Variants in TMEM245 observed in about 807,000 individuals in gnomAD.
TMEM245 encodes protein CG-2.
TMEM245 carries 69 observed loss-of-function variants against 101.2 expected under a neutral mutation model. That is an observed-to-expected ratio of 0.68 (90% confidence interval 0.56 to 0.83). The LOEUF (loss-of-function observed/expected upper bound fraction) is 0.83. Ranked by LOEUF, TMEM245 falls within the 40% of genes least tolerant of loss-of-function variation. The pLI, the probability that TMEM245 is intolerant of heterozygous loss-of-function variation, is 0.00. For missense variants in TMEM245, 1,075 were observed against 1,092.8 expected (o/e 0.98, Z 0.23); for synonymous variants, 537 against 449.8 (o/e 1.19, Z -2.45).
intron 14 of TMEM245, among the ~76,000 whole-genome samples, chr9:109,043,133 T>C (rs532913335): frequency 1.9e-3 from 296 of 152,308 alleles, no homozygotes; most frequent in African/African-American, 6.6e-3. Context: ...AATTCAGAGA[T>C]TGCTAGGAAT....
chr9:109,035,083 GGAGGCGAAGGTTGCAGT>G (rs1227633536), intron 16 of TMEM245, among the ~76,000 whole-genome samples: 1 of 150,464 alleles, frequency 6.6e-6, no homozygotes, highest in African/African-American at 2.5e-5. Flanking sequence ...CTTGAACCTG[GGAGGCGAAGGTTGCAGT>G]GAGGCGAGAT....
intron 17 of TMEM245, among the ~76,000 whole-genome samples, chr9:109,029,337 T>TCTTA (rs1308240898): frequency 6.6e-6 from 1 of 152,128 alleles, no homozygotes; most frequent in Non-Finnish European, 1.5e-5. Context: ...CTTTTAAAGG[T>TCTTA]CTTAGCAAGT....
chr9:109,079,682 AG>A, intron 8 of TMEM245, among the ~76,000 whole-genome samples: 1 of 152,226 alleles, frequency 6.6e-6, no homozygotes, highest in East Asian at 1.9e-4. Context: ...ACAAAGAAAA[AG>A]GACTTAAAAG....
chr9:109,069,964 T>C (rs983652987), intron 9 of TMEM245, among the ~76,000 whole-genome samples: 2 of 152,244 alleles, frequency 1.3e-5, no homozygotes, highest in Non-Finnish European at 2.9e-5. Context: ...CTGCAGCAAT[T>C]TGACATTGCT....
At chr9:109,020,587 G>C (rs11791093) in intron 17 of TMEM245, 82 bp from the exon 18 acceptor site, 180,184 of 1,218,362 alleles carry the variant, frequency 0.15, 14,128 homozygotes, top group African/African-American at 0.2. Context: ...GCCCTAATGA[G>C]ATTATATAGT....
intron 12 of TMEM245, 120 bp from the exon 13 acceptor site, chr9:109,050,812 G>T: frequency 9.8e-7 from 1 of 1,022,260 alleles, no homozygotes; most frequent in Non-Finnish European, 1.4e-6. Context: ...AAGAACTGAG[G>T]ATTATTTCAA....
At chr9:109,112,141 A>T (rs1452530899) in intron 1 of TMEM245, among the ~76,000 whole-genome samples, 1 of 152,226 alleles carries the variant, frequency 6.6e-6, no homozygotes, top group African/African-American at 2.4e-5. Flanking sequence ...AATGTTTATC[A>T]AAGTATTCTA....
intron 7 of TMEM245, among the ~76,000 whole-genome samples, chr9:109,083,339 G>A (rs916484823): frequency 9.2e-5 from 14 of 152,158 alleles, no homozygotes; most frequent in Admixed American, 3.9e-4. Flanking sequence ...GCTATCTCAC[G>A]AGGCTGATCC....
intron 14 of TMEM245, among the ~76,000 whole-genome samples, chr9:109,044,080 A>T (rs568447410): frequency 1.3e-5 from 2 of 152,356 alleles, no homozygotes; most frequent in Admixed American, 1.3e-4. Flanking sequence ...ATTGTTTACA[A>T]TGTTAACTCT....
chr9:109,038,214 G>A (rs1406956037), intron 14 of TMEM245, 97 bp from the exon 15 acceptor site: 7 of 812,646 alleles, frequency 8.6e-6, no homozygotes, highest in Non-Finnish European at 1.3e-5. Context: ...TCATGTAATA[G>A]CTTCAGTTTT....
intron 14 of TMEM245, among the ~76,000 whole-genome samples, chr9:109,047,020 T>C (rs953640451): frequency 3.3e-5 from 5 of 152,160 alleles, no homozygotes; most frequent in African/African-American, 9.7e-5. Context: ...AAAAAACACC[T>C]TGAATTATAG....
At chr9:109,093,320 G>C (rs1830057528) in intron 4 of TMEM245, among the ~76,000 whole-genome samples, 155 bp downstream of exon 4, 1 of 152,144 alleles carries the variant, frequency 6.6e-6, no homozygotes, top group African/African-American at 2.4e-5. Context: ...GAACAAAGAT[G>C]AGAGGGAAAA....
chr9:109,023,586 G>A, intron 17 of TMEM245, among the ~76,000 whole-genome samples: 1 of 152,156 alleles, frequency 6.6e-6, no homozygotes, highest in Non-Finnish European at 1.5e-5. Flanking sequence ...TGTAATCCCA[G>A]CACTTTGGGA....
At chr9:109,113,190 AT>A (rs2132667458) in intron 1 of TMEM245, among the ~76,000 whole-genome samples, 1 of 152,358 alleles carries the variant, frequency 6.6e-6, no homozygotes, top group African/African-American at 2.4e-5. Context: ...TTGGGTCAAC[AT>A]TTTGAATCAC....
chr9:109,037,089 G>T (rs489283), intron 15 of TMEM245, among the ~76,000 whole-genome samples: 20,043 of 152,124 alleles, frequency 0.13, 1,734 homozygotes, highest in Middle Eastern at 0.2. Context: ...ATAGGGAAAG[G>T]GGGGGATGTG....
chr9:109,108,318 A>G (rs1830479317), intron 2 of TMEM245, 135 bp downstream of exon 2: 3 of 440,600 alleles, frequency 6.8e-6, no homozygotes, highest in Admixed American at 4.3e-5. Context: ...AGATTAAAGC[A>G]TAACATTTTC....
intron 7 of TMEM245, among the ~76,000 whole-genome samples, chr9:109,083,915 A>AAAAAAAAAAAAAAAAAAAAAAAAAAAC (rs1171067579): frequency 7.1e-6 from 1 of 141,728 alleles, no homozygotes; most frequent in Non-Finnish European, 1.5e-5. Flanking sequence ...AAAAAAAAAA[A>AAAAAAAAAAAAAAAAAAAAAAAAAAAC]AAAAAAAAAA....
intron 14 of TMEM245, among the ~76,000 whole-genome samples, chr9:109,044,067 AT>A (rs755920305): frequency 2.0e-5 from 3 of 152,212 alleles, no homozygotes; most frequent in Non-Finnish European, 4.4e-5. Context: ...TTGACTTCAA[AT>A]GATTGTTTAC....
chr9:109,028,826 G>A (rs1281132819), intron 17 of TMEM245, among the ~76,000 whole-genome samples: 1 of 152,208 alleles, frequency 6.6e-6, no homozygotes, highest in East Asian at 1.9e-4. Flanking sequence ...CAACTACAAG[G>A]AAATGAATTA....
Sources: allele counts gnomAD v4.1 joint callset (sites outside exome capture counted in the v4.1 genomes callset), GRCh38; gene constraint gnomAD v4.1.1; transcripts MANE v1.5; gene names NCBI Gene and HGNC (gene_info 2026-07-23, HGNC 2026-07-21).